LRRC28: variants seen among roughly 807,000 people sequenced by gnomAD.
The protein encoded by LRRC28 is leucine-rich repeat-containing protein 28.
A neutral mutation model predicts 45.7 loss-of-function variants in LRRC28; 39 were observed. The ratio of observed to expected loss-of-function variants is 0.85; its 90% CI spans 0.66 to 1.12. LRRC28 has a LOEUF of 1.12. Among genes scored for constraint, LRRC28 ranks in the 50% most tolerant of loss-of-function variants. LRRC28 has a pLI of 0.00. For synonymous variants in LRRC28, 206 were observed against 178.8 expected, an observed-to-expected ratio of 1.15 and a Z score of -1.22; for missense variants, 435 against 438.5, an observed-to-expected ratio of 0.99 and a Z score of 0.07.
At chr15:99,367,187 G>C (rs1273081041) in intron 9 of LRRC28, among the ~76,000 whole-genome samples, 2 of 152,152 alleles carry the variant, frequency 1.3e-5, no homozygotes, top group African/African-American at 4.8e-5. Context: ...TATAAAATCA[G>C]GGTTCCCAAT....
chr15:99,314,533 A>G (rs900863008), intron 5 of LRRC28, among the ~76,000 whole-genome samples: 4 of 152,186 alleles, frequency 2.6e-5, no homozygotes, highest in African/African-American at 9.7e-5. Flanking sequence ...ATGAATTTGT[A>G]ACAATATTTT....
At chr15:99,357,266 T>C (rs1235764406) in intron 7 of LRRC28, among the ~76,000 whole-genome samples, 2 of 151,904 alleles carry the variant, frequency 1.3e-5, no homozygotes, top group Non-Finnish European at 2.9e-5. Context: ...CTCACTATAA[T>C]AGGCCCAGCT....
rs2081012469 is a variant in LRRC28, at chr15:99,256,113, C to G, written c.156C>G (p.Ser52=). 5 of 1,609,484 alleles carry G rather than the reference C, an allele frequency of 3.1e-6. No individual in the cohort carries two copies. Among genetic ancestry groups the G allele is most frequent in the Non-Finnish European group, 3.4e-6 (4 of 1,178,314 alleles). ...AGAGACTCTATATGAAAAGGAACTC[C>G]CTGACATCCTTGGTACAGTATTATA... ...YLERLYMKRN[S]LTSLPENLAQ... is the part of the protein sequence containing the mutation. The change falls in exon 2 of 10, where the codon TCC becomes TCG. Residue 52 remains serine, a synonymous_variant. Coordinates refer to ENST00000301981, the MANE Select transcript of LRRC28 (RefSeq NM_144598.5).
At chr15:99,304,049 G>A (rs185546602) in intron 5 of LRRC28, among the ~76,000 whole-genome samples, 1 of 152,288 alleles carries the variant, frequency 6.6e-6, no homozygotes, top group East Asian at 1.9e-4. Context: ...ACTAGGGACC[G>A]AGGTTAGAAA....
chr15:99,309,548 A>T (rs1202509573), intron 5 of LRRC28, among the ~76,000 whole-genome samples: 1 of 152,160 alleles, frequency 6.6e-6, no homozygotes, highest in Admixed American at 6.6e-5. Context: ...AGCTGGGATT[A>T]CAGGCACGCG....
intron 5 of LRRC28, among the ~76,000 whole-genome samples, chr15:99,312,874 G>A (rs1249875327): frequency 2.0e-5 from 3 of 152,064 alleles, no homozygotes; most frequent in East Asian, 3.9e-4. Flanking sequence ...GAAAAACAGA[G>A]ACACAAAAAG....
intron 2 of LRRC28, among the ~76,000 whole-genome samples, chr15:99,262,549 G>A (rs1198745336): frequency 2.6e-5 from 4 of 152,134 alleles, no homozygotes; most frequent in Non-Finnish European, 5.9e-5. Context: ...GCCACTGCAC[G>A]CCAGCCTGGA....
intron 5 of LRRC28, among the ~76,000 whole-genome samples, chr15:99,327,016 G>T (rs1597353459): frequency 6.6e-6 from 1 of 152,178 alleles, no homozygotes. Flanking sequence ...AAAGCCATCT[G>T]GACCTGGTCT....
chr15:99,346,043 G>A (rs1444572913), intron 6 of LRRC28, among the ~76,000 whole-genome samples: 1 of 152,118 alleles, frequency 6.6e-6, no homozygotes, highest in Non-Finnish European at 1.5e-5. Context: ...GTGCAGTGGT[G>A]TAGTCATGGC....
chr15:99,293,563 G>A (rs11247075), intron 5 of LRRC28, among the ~76,000 whole-genome samples: 47,779 of 121,448 alleles, frequency 0.39, 9,426 homozygotes, highest in African/African-American at 0.57. Flanking sequence ...GTTGCATTCC[G>A]GCCTGGGCAA....
At chr15:99,332,598 G>A (rs1319698948) in intron 5 of LRRC28, among the ~76,000 whole-genome samples, 1 of 152,112 alleles carries the variant, frequency 6.6e-6, no homozygotes, top group Admixed American at 6.5e-5. Context: ...TCTGTCACAT[G>A]TTCTTTGTCT....
chr15:99,333,175 C>T (rs773549570), intron 5 of LRRC28, among the ~76,000 whole-genome samples: 3 of 152,110 alleles, frequency 2.0e-5, no homozygotes, highest in Non-Finnish European at 4.4e-5. Context: ...AATCTTCACT[C>T]AAGTCTTAAG....
chr15:99,296,088 C>T (rs12906516), intron 5 of LRRC28, among the ~76,000 whole-genome samples: 14,214 of 152,224 alleles, frequency 0.093, 814 homozygotes, highest in Admixed American at 0.17. Context: ...AGGGCTTCTG[C>T]TGTTGCTTAC....
intron 9 of LRRC28, among the ~76,000 whole-genome samples, chr15:99,373,357 A>AT (rs1248544606): frequency 6.6e-6 from 1 of 152,038 alleles, no homozygotes; most frequent in Non-Finnish European, 1.5e-5. Context: ...AACCAACTTC[A>AT]TTTTTTAAAA....
intron 6 of LRRC28, among the ~76,000 whole-genome samples, chr15:99,350,643 A>T (rs1454859017): frequency 6.6e-6 from 1 of 152,200 alleles, no homozygotes; most frequent in African/African-American, 2.4e-5. Flanking sequence ...TGCAATGTAA[A>T]TGAATCTAAA....
At chr15:99,336,547 A>G (rs1305842923) in intron 6 of LRRC28, among the ~76,000 whole-genome samples, 3 of 152,078 alleles carry the variant, frequency 2.0e-5, no homozygotes, top group Non-Finnish European at 2.9e-5. Flanking sequence ...AGATACTCCT[A>G]TTGACACTCT....
intron 5 of LRRC28, among the ~76,000 whole-genome samples, chr15:99,303,136 C>T (rs975591191): frequency 6.6e-6 from 1 of 152,208 alleles, no homozygotes; most frequent in East Asian, 1.9e-4. Flanking sequence ...AGTTCCTCAA[C>T]CTTGCCAGCA....
chr15:99,357,215 C>G (rs1171473590), intron 7 of LRRC28, among the ~76,000 whole-genome samples: 1 of 152,138 alleles, frequency 6.6e-6, no homozygotes, highest in Non-Finnish European at 1.5e-5. Context: ...ATACAGCTCT[C>G]ACTCCCCTCT....
chr15:99,357,499 T>C (rs1340078938), intron 7 of LRRC28, among the ~76,000 whole-genome samples: 1 of 152,208 alleles, frequency 6.6e-6, no homozygotes, highest in African/African-American at 2.4e-5. Flanking sequence ...ACCTTCATGC[T>C]GTTCAAAAAG....
Sources: gnomAD v4.1 joint callset for allele counts (sites outside exome capture counted in the v4.1 genomes callset) on GRCh38, gnomAD v4.1.1 for gene constraint, MANE v1.5 for transcripts, NCBI Gene and HGNC (gene_info 2026-07-23, HGNC 2026-07-21) for gene names.